The following C16orf89 variants were observed in gnomAD, a reference collection of about 807,000 sequenced individuals.
C16orf89 encodes UPF0764 protein C16orf89.
C16orf89 carries 57 observed loss-of-function variants against 41.5 expected under a neutral mutation model. The ratio of observed to expected loss-of-function variants is 1.38; its 90% CI spans 1.11 to 1.71. The LOEUF (loss-of-function observed/expected upper bound fraction) is 1.71, where lower values mean the gene tolerates loss of function less well. C16orf89 is among the 40% of genes most tolerant of loss of function. The pLI is 0.00. For synonymous variants in C16orf89, 223 were observed against 190.6 expected (o/e 1.17, Z -1.40); for missense variants, 575 against 445.9 (o/e 1.29, Z -2.61).
chr16:5,060,970 A>G lies in C16orf89; in HGVS notation c.359-534T>C, dbSNP rs1457935617. ...CTTTTTTTTTTTTTTTTTTTTTTTTAAGAGGCAGGGCCAAGAGCGGTGGCT... is the reference window on the plus strand; with the variant it reads ...CTTTTTTTTTTTTTTTTTTTTTTTTGAGAGGCAGGGCCAAGAGCGGTGGCT... On this transcript the variant is annotated intron_variant, in intron 2 of 7. Coordinates refer to ENST00000472572, the MANE Select transcript of C16orf89 (RefSeq NM_001098514.3). Among the ~76,000 whole-genome samples, 2 of 51,608 alleles carry G rather than the reference A, an allele frequency of 3.9e-5. 1 individual carries two copies. Among genetic ancestry groups the G allele is most frequent in the East Asian group, 3.2e-3 (2 of 630 alleles). The allele number at this position is 51,608 out of a possible 152,430, so 33.9% of individuals were successfully genotyped here.
chr16:5,052,719 A>T (rs1181244806), intron 6 of C16orf89, among the ~76,000 whole-genome samples: 1 of 152,240 alleles, frequency 6.6e-6, no homozygotes, highest in Non-Finnish European at 1.5e-5. Flanking sequence ...AGCAGTATGG[A>T]GATTTGTCAA....
chr16:5,058,458 TC>T lies in C16orf89; in HGVS notation c.627+34del, dbSNP rs539560723. 743 of 1,538,458 alleles carry T rather than the reference TC, an allele frequency of 4.8e-4. 10 individuals are homozygous for T. In the South Asian group the frequency reaches 7.5e-3, roughly 15 times the overall value. On this transcript the variant is annotated intron_variant, in intron 4 of 7. Transcript: ENST00000472572. Reference sequence around the variant, plus strand: ...GCCCCTTTTCCTTTTTCCTTCCCCTTCCCCTGGCACGGCGGGGGCTCCCTGG... The same window carrying T: ...GCCCCTTTTCCTTTTTCCTTCCCCTTCCCTGGCACGGCGGGGGCTCCCTGG...
At chr16:5,045,825 C>T (rs1486081492) in intron 7 of C16orf89, among the ~76,000 whole-genome samples, 1 of 152,210 alleles carries the variant, frequency 6.6e-6, no homozygotes, top group African/African-American at 2.4e-5. Context: ...CTGCCTCCTG[C>T]TCCGTGGGCT....
chr16:5,060,001 A>C (rs1260022190), intron 3 of C16orf89, among the ~76,000 whole-genome samples: 2 of 151,978 alleles, frequency 1.3e-5, no homozygotes, highest in African/African-American at 4.8e-5. Flanking sequence ...GGAGACTTGG[A>C]ACTGCGGAGA....
rs536126222 is a variant in C16orf89 at position 5,056,244 on chromosome 16, C to T, written c.628-56G>A. 1.1e-4 allele frequency: 172 copies of T among 1,502,348 alleles called. 4 individuals carry two copies. In the South Asian group the frequency reaches 1.8e-3, roughly 16 times the overall value. 93.1% of individuals were successfully genotyped at this position (1,502,348 alleles called of 1,614,324 possible). On this transcript the variant is annotated intron_variant, in intron 4 of 7. Transcript: ENST00000472572. ...GTCAGTGGTACAGATGACAGACACA[C>T]GCCCTGCTATGGGAAAGTCTTGCAG...
At chr16:5,063,490 A>G (rs1159286778) in intron 1 of C16orf89, among the ~76,000 whole-genome samples, 2 of 152,160 alleles carry the variant, frequency 1.3e-5, no homozygotes, top group African/African-American at 2.4e-5. Context: ...CCTGTTAGGA[A>G]TGGGGCCGCA....
intron 7 of C16orf89, among the ~76,000 whole-genome samples, chr16:5,045,408 G>A (rs4786581): frequency 0.68 from 103,833 of 151,918 alleles, 35,745 homozygotes; most frequent in East Asian, 0.82. Context: ...TAACCCTTAG[G>A]TGTAGTTAGT....
chr16:5,049,354 T>G lies in C16orf89; in HGVS notation c.869-1390A>C, dbSNP rs145844620. ...TAAACTGCACTTAAGACCAAATGAA[T>G]CTAACAGACATTTACAGAACATTTC... On this transcript the variant is annotated intron_variant, in intron 6 of 7. Coordinates refer to ENST00000472572, the MANE Select transcript of C16orf89 (RefSeq NM_001098514.3). 2.1e-3 allele frequency among the ~76,000 whole-genome samples: 316 copies of G among 152,280 alleles called. 4 individuals are homozygous for G. Among genetic ancestry groups the G allele is most frequent in the African/African-American group, 4.4e-3 (184 of 41,566 alleles).
intron 6 of C16orf89, among the ~76,000 whole-genome samples, chr16:5,050,278 G>C (rs1956373183): frequency 6.6e-6 from 1 of 152,040 alleles, no homozygotes; most frequent in African/African-American, 2.4e-5. Context: ...TGAGGCAGGA[G>C]AATCACTTGA....
intron 1 of C16orf89, among the ~76,000 whole-genome samples, chr16:5,064,059 A>T (rs927749986): frequency 2.6e-5 from 4 of 152,132 alleles, no homozygotes; most frequent in African/African-American, 9.7e-5. Flanking sequence ...CTGGAGGTGG[A>T]GGTTGCAGTG....
intron 1 of C16orf89, 64 bp from the exon 2 acceptor site, chr16:5,062,638 CAAG>C (rs1956652027): frequency 4.8e-6 from 7 of 1,465,492 alleles, no homozygotes; most frequent in Non-Finnish European, 6.4e-6. Flanking sequence ...TGCCTTGGAA[CAAG>C]AAAAAAAAAT....
At chr16:5,065,387 C>A (rs1166218942) in intron 1 of C16orf89, among the ~76,000 whole-genome samples, 3 of 152,226 alleles carry the variant, frequency 2.0e-5, no homozygotes, top group African/African-American at 2.4e-5. Flanking sequence ...ACGGGGCACT[C>A]TCCCTGCTCC....
intron 6 of C16orf89, among the ~76,000 whole-genome samples, chr16:5,048,891 G>T (rs13380670): frequency 0.01 from 1,565 of 151,224 alleles, 28 homozygotes; most frequent in African/African-American, 0.036. Flanking sequence ...AATGCAAATT[G>T]ATTCAGTCCC....
chr16:5,061,947 C>G (rs965903621), intron 2 of C16orf89, among the ~76,000 whole-genome samples: 8 of 152,124 alleles, frequency 5.3e-5, no homozygotes, highest in African/African-American at 1.9e-4. Context: ...TCTCAGTGGT[C>G]ATAAGGCATG....
At chr16:5,047,380 G>C (rs1253549016) in intron 7 of C16orf89, among the ~76,000 whole-genome samples, 1 of 152,058 alleles carries the variant, frequency 6.6e-6, no homozygotes, top group Admixed American at 6.6e-5. Flanking sequence ...ACTTAGAAGG[G>C]TTACTGTTGC....
intron 6 of C16orf89, among the ~76,000 whole-genome samples, chr16:5,054,234 C>A (rs1375060921): frequency 2.0e-5 from 3 of 152,182 alleles, no homozygotes; most frequent in African/African-American, 7.2e-5. Context: ...TACGTTGACT[C>A]TCCTTGCAGC....
At chr16:5,055,519 A>G in intron 5 of C16orf89, 169 bp from the exon 6 acceptor site, 1 of 962,690 alleles carries the variant, frequency 1.0e-6, no homozygotes, top group Non-Finnish European at 1.5e-6. Flanking sequence ...TGCCTGACCA[A>G]CTAGGGGCTC....
rs370768254 is a variant in C16orf89 at position 5,062,472 on chromosome 16, T to C, written c.311A>G (p.Gln104Arg). ...MLGEKLEAAI[Q>R]RSLHYLKLSD... is the part of the protein sequence containing the mutation. Reference sequence around the variant, plus strand: ...CAGCTTGAGGTAGTGGAGGGATCTCTGGATGGCAGCCTCCAGCTTCTCCCC... The same window carrying C: ...CAGCTTGAGGTAGTGGAGGGATCTCCGGATGGCAGCCTCCAGCTTCTCCCC... The change falls in exon 2 of 8, where the codon CAG becomes CGG. Residue 104 changes from glutamine to arginine, a missense_variant. Coordinates refer to ENST00000472572, the MANE Select transcript of C16orf89 (RefSeq NM_001098514.3). 2.5e-6 allele frequency: 4 copies of C among 1,614,002 alleles called. No individual in the cohort carries two copies. The highest frequency in any genetic ancestry group is 1.1e-5 in the South Asian group (1 of 91,090).
intron 2 of C16orf89, 55 bp downstream of exon 2, chr16:5,062,370 C>G (rs1344833260): frequency 6.5e-7 from 1 of 1,530,222 alleles, no homozygotes; most frequent in Non-Finnish European, 8.8e-7. Context: ...TTATTTCAGT[C>G]AATATCCCCA....
Sources: gnomAD v4.1 joint callset for allele counts (sites outside exome capture counted in the v4.1 genomes callset) on GRCh38, gnomAD v4.1.1 for gene constraint, MANE v1.5 for transcripts, NCBI Gene and HGNC (gene_info 2026-07-23, HGNC 2026-07-21) for gene names.